SGO1: variants seen among roughly 807,000 people sequenced by gnomAD.
The protein encoded by SGO1 is serologically defined breast cancer antigen NY-BR-85.
Under a neutral mutation model 50.5 loss-of-function variants are expected in SGO1, and 39 were observed. That is an observed-to-expected ratio of 0.77 (90% CI 0.60 to 1.01). SGO1 has a LOEUF of 1.01. Among genes scored for constraint, SGO1 ranks in the 50% least tolerant of loss-of-function variants. The pLI is 0.00. For missense variants in SGO1, 638 were observed against 606.0 expected, an observed-to-expected ratio of 1.05 and a Z score of -0.55; for synonymous variants, 191 against 205.1, an observed-to-expected ratio of 0.93 and a Z score of 0.59.
At position 20,171,331 on chromosome 3, in the gene SGO1, C is replaced by T. The variant is rs1032142467; in HGVS notation, c.1283-99G>A. 6.7e-5 allele frequency: 67 copies of T among 994,576 alleles called. No homozygotes were observed. In the African/African-American group the frequency reaches 1.1e-3, roughly 17 times the overall value. The allele number at this position is 994,576 out of a possible 1,614,324, so 61.6% of individuals were successfully genotyped here. A position where few individuals can be genotyped will look rare whatever the true frequency, so the allele number is the denominator to read the frequency against. ...ATATATCTTAACTGTACACAAAATC[C>T]AGCATTTAATAATAGAATTTTTTTT... On this transcript the variant is annotated intron_variant, in intron 6 of 7. Transcript: ENST00000412997.
At chr3:20,185,114 T>C (rs1435354843) in intron 1 of SGO1, among the ~76,000 whole-genome samples, 3 of 152,198 alleles carry the variant, frequency 2.0e-5, no homozygotes, top group Non-Finnish European at 2.9e-5. Flanking sequence ...TAGATACCAC[T>C]TAAGAACTTT....
chr3:20,164,421 T>C (rs1700192696), intron 8 of SGO1, among the ~76,000 whole-genome samples: 1 of 152,044 alleles, frequency 6.6e-6, no homozygotes, highest in African/African-American at 2.4e-5. Context: ...AAAGAAGGAA[T>C]ACAAGGAAAT....
In SGO1 at chr3:20,160,899, G is replaced by A. The variant is rs753900344; in HGVS notation, c.*206C>T. ...GAAACTTAAAAGAGGGGTTCAACACGTACTGATTCCTCGGTCACCCTGGGA... is the reference window on the plus strand; with the variant it reads ...GAAACTTAAAAGAGGGGTTCAACACATACTGATTCCTCGGTCACCCTGGGA... On this transcript the variant is annotated 3_prime_UTR_variant, in exon 9 of 9. Coordinates refer to the SGO1 transcript ENST00000263753. 1.4e-4 allele frequency: 81 copies of A among 564,556 alleles called. No homozygotes were observed. The Middle Eastern group carries it at 1.6e-3, about 11-fold the overall frequency. The allele number at this position is 564,556 out of a possible 1,614,324, so 35.0% of individuals were successfully genotyped here. A position where few individuals can be genotyped will look rare whatever the true frequency, so the allele number is the denominator to read the frequency against.
chr3:20,166,492 C>G (rs948288438), downstream of SGO1, among the ~76,000 whole-genome samples: 4 of 151,958 alleles, frequency 2.6e-5, no homozygotes, highest in Non-Finnish European at 4.4e-5. Flanking sequence ...GGACAAATAT[C>G]CTATGATTCC....
chr3:20,183,474 C>A (rs1702253697), intron 3 of SGO1, 134 bp downstream of exon 3: 2 of 722,516 alleles, frequency 2.8e-6, no homozygotes, highest in Non-Finnish European at 4.4e-6. Flanking sequence ...TATGCTGGAG[C>A]ACTAAAGAAG....
intron 3 of SGO1, 121 bp from the exon 4 acceptor site, chr3:20,178,468 C>G: frequency 1.4e-6 from 1 of 717,768 alleles, no homozygotes; most frequent in Non-Finnish European, 2.4e-6. Context: ...GTTCTAGGAA[C>G]TGAGACTATA....
downstream of SGO1, among the ~76,000 whole-genome samples, chr3:20,166,775 T>C (rs9854684): frequency 0.021 from 2,960 of 142,278 alleles, 98 homozygotes; most frequent in African/African-American, 0.071. Context: ...GGAGGTAAGA[T>C]TGGACGATTG....
downstream of SGO1, among the ~76,000 whole-genome samples, chr3:20,166,636 A>T (rs756392041): frequency 6.6e-4 from 100 of 152,064 alleles, no homozygotes; most frequent in South Asian, 1.0e-3. Flanking sequence ...TGGGAAGAAG[A>T]AGTAGTTCTG....
rs200787365 is a variant in SGO1, at chr3:20,183,773, T to C, written c.174A>G (p.Gln58=). 31 of 1,611,606 alleles carry C rather than the reference T, an allele frequency of 1.9e-5. No homozygotes were observed. Among genetic ancestry groups the C allele is most frequent in the Non-Finnish European group, 2.6e-5 (31 of 1,179,448 alleles). The change falls in exon 3 of 8, where the codon CAA becomes CAG. Residue 58 remains glutamine (Q), a synonymous_variant. Coordinates refer to ENST00000412997, the MANE Select transcript of SGO1 (RefSeq NM_001199251.3). ...TNTSTLLKNY[Q]DNNKMLVLAL... ...CTAAAACTAACATTTTGTTGTTGTC[T>C]TGGTAATTTTTCAGCAGTGTAGAAG...
chr3:20,184,156 T>A, intron 1 of SGO1, 122 bp from the exon 2 acceptor site: 1 of 633,086 alleles, frequency 1.6e-6, no homozygotes, highest in East Asian at 3.3e-5. Flanking sequence ...TCAAAGTAGA[T>A]AGTTAACCAA....
chr3:20,176,769 G>T, intron 4 of SGO1, 110 bp from the exon 5 acceptor site: 2 of 693,046 alleles, frequency 2.9e-6, no homozygotes, highest in Non-Finnish European at 4.7e-6. Flanking sequence ...TTCATAATTC[G>T]ATTTCAAATC....
chr3:20,165,950 G>A (rs1422212362), downstream of SGO1, among the ~76,000 whole-genome samples: 1 of 152,144 alleles, frequency 6.6e-6, no homozygotes, highest in Admixed American at 6.5e-5. Flanking sequence ...CTACTTGGGA[G>A]GCTGAGACAG....
chr3:20,167,727 C>T (rs1044095153), downstream of SGO1, among the ~76,000 whole-genome samples: 4 of 152,140 alleles, frequency 2.6e-5, no homozygotes, highest in Admixed American at 2.6e-4. Context: ...GTGATATACT[C>T]CTTATAACAG....
chr3:20,183,855 G>A (rs764482170), intron 2 of SGO1, 31 bp downstream of exon 2: 1 of 1,604,726 alleles, frequency 6.2e-7, no homozygotes, highest in Non-Finnish European at 8.5e-7. Flanking sequence ...ACTTAAAAGT[G>A]ATATAAAAGG....
rs1702340315 is a variant in SGO1, at chr3:20,184,023, G to A, written c.5C>T (p.Ala2Val). The stretch of plus-strand genomic sequence containing the variant: ...GGACTTTTTCAGGCATCTTTCCTTG[G>A]CCATCTTTTGCCTAAACAATAAAAA... M[A>V]KERCLKKSFQ... is the part of the protein sequence containing the mutation. Residue 2 changes from alanine to valine, a missense_variant, in exon 2 of 8, where the codon GCC becomes GTC. Ala to Val is a moderately conservative substitution (Grantham distance 64). Transcript: ENST00000412997. The A allele has an allele frequency of 1.3e-6, 2 of 1,567,092 alleles. No individual in the cohort carries two copies. Among genetic ancestry groups the A allele is most frequent in the African/African-American group, 1.4e-5 (1 of 71,994 alleles).
chr3:20,182,179 T>C (rs183355318), intron 3 of SGO1, among the ~76,000 whole-genome samples: 2 of 152,148 alleles, frequency 1.3e-5, no homozygotes, highest in African/African-American at 2.4e-5. Flanking sequence ...TATGTACTTA[T>C]TGTCTATGTG....
chr3:20,180,924 C>T (rs1426745220), intron 3 of SGO1, among the ~76,000 whole-genome samples: 2 of 152,180 alleles, frequency 1.3e-5, no homozygotes, highest in Non-Finnish European at 2.9e-5. Flanking sequence ...ACCAGGAGCT[C>T]AAGACCAGCT....
rs140520229 is a variant in SGO1, at chr3:20,186,154, C to T, written c.-214G>A. On this transcript the variant is annotated 5_prime_UTR_variant, in exon 1 of 8. Transcript: ENST00000412997. ...CACGGCTAGCCCCGCGCACTGGGCC[C>T]TCCAGGACCGTACCACCGTCCGCCG... The T allele has an allele frequency of 1.8e-4, 27 of 152,678 alleles. No homozygotes were observed. The highest frequency in any genetic ancestry group is 6.5e-4 in the African/African-American group (27 of 41,594). 9.5% of individuals were successfully genotyped at this position (152,678 alleles called of 1,614,324 possible). A position where few individuals can be genotyped will look rare whatever the true frequency, so the allele number is the denominator to read the frequency against.
intron 1 of SGO1, 117 bp from the exon 2 acceptor site, chr3:20,184,151 G>T: frequency 1.4e-6 from 1 of 699,524 alleles, no homozygotes; most frequent in Non-Finnish European, 2.1e-6. Flanking sequence ...TTAGCTCAAA[G>T]TAGATAGTTA....
Sources: gnomAD v4.1 joint callset for allele counts (sites outside exome capture counted in the v4.1 genomes callset) on GRCh38, gnomAD v4.1.1 for gene constraint, MANE v1.5 for transcripts, NCBI Gene and HGNC (gene_info 2026-07-23, HGNC 2026-07-21) for gene names.